Variants in PHF21B observed in about 807,000 individuals in gnomAD.
PHF21B encodes PHD finger protein 4.
PHF21B carries 22 observed loss-of-function variants against 62.2 expected under a neutral mutation model. That is an observed-to-expected ratio of 0.35 (90% CI 0.25 to 0.51). PHF21B has a LOEUF of 0.51. Ranked by LOEUF, PHF21B falls within the 20% of genes least tolerant of loss-of-function variation. The pLI is 0.97. For missense variants in PHF21B, 701 were observed against 707.9 expected (o/e 0.99, Z 0.11); for synonymous variants, 341 against 314.7 (o/e 1.08, Z -0.88).
intron 2 of PHF21B, among the ~76,000 whole-genome samples, chr22:44,992,200 C>T (rs1273232277): frequency 6.6e-6 from 1 of 152,234 alleles, no homozygotes; most frequent in African/African-American, 2.4e-5. Context: ...CAGAAAGCAC[C>T]ATTCATGCCC....
chr22:44,959,632 T>C (rs1601646104), intron 2 of PHF21B, among the ~76,000 whole-genome samples: 1 of 152,138 alleles, frequency 6.6e-6, no homozygotes, highest in South Asian at 2.1e-4. Flanking sequence ...TGCACCCAGG[T>C]GGTCCCGGTG....
At chr22:44,887,880 T>A in intron 10 of PHF21B, 83 bp downstream of exon 10, 1 of 1,306,154 alleles carries the variant, frequency 7.7e-7, no homozygotes, top group Non-Finnish European at 9.8e-7. Context: ...GCCCCTTTTT[T>A]CACCCCTCCT....
chr22:44,900,768 C>T (rs1043238178), intron 5 of PHF21B, among the ~76,000 whole-genome samples: 1 of 149,010 alleles, frequency 6.7e-6, no homozygotes, highest in Non-Finnish European at 1.5e-5. Context: ...TAACTGCTTT[C>T]CCTCTAAAGT....
chr22:44,985,930 C>T (rs2072938281), intron 2 of PHF21B, among the ~76,000 whole-genome samples: 1 of 151,320 alleles, frequency 6.6e-6, no homozygotes, highest in Non-Finnish European at 1.5e-5. Context: ...ATCAGCACCA[C>T]CACCACTACC....
chr22:45,007,082 A>C (rs575508874), intron 2 of PHF21B, among the ~76,000 whole-genome samples: 15 of 150,194 alleles, frequency 1.0e-4, no homozygotes, highest in South Asian at 8.5e-4. Context: ...CCACTCCCGG[A>C]CGGGGGCGCG....
intron 9 of PHF21B, among the ~76,000 whole-genome samples, chr22:44,888,554 C>G (rs1005040306): frequency 6.6e-6 from 1 of 152,170 alleles, no homozygotes; most frequent in African/African-American, 2.4e-5. Flanking sequence ...ACTCCCTCCC[C>G]GCCCCCACTG....
At chr22:44,973,780 G>T (rs1430988424) in intron 2 of PHF21B, among the ~76,000 whole-genome samples, 1 of 152,014 alleles carries the variant, frequency 6.6e-6, no homozygotes, top group African/African-American at 2.4e-5. Flanking sequence ...CCATGGGAGA[G>T]GAAAGTGTGG....
chr22:44,951,399 G>A lies in PHF21B; in HGVS notation c.121-30909C>T, dbSNP rs533808499. Among the ~76,000 whole-genome samples, 57 of 152,272 alleles carry A rather than the reference G, an allele frequency of 3.7e-4. 2 individuals carry two copies. In the South Asian group the frequency reaches 4.6e-3, roughly 12 times the overall value. ...CGGGGTAATGCGAGCAATGGGGAGC[G>A]GCTGTAAATACAGATGAAGCTTTGC... On this transcript the variant is annotated intron_variant, in intron 2 of 12. Transcript: ENST00000313237.
intron 2 of PHF21B, among the ~76,000 whole-genome samples, chr22:44,966,523 TC>T (rs2072529272): frequency 6.6e-6 from 1 of 151,920 alleles, no homozygotes; most frequent in South Asian, 2.1e-4. Flanking sequence ...CAAGCCCCTG[TC>T]CCCAGGGAGT....
chr22:44,898,211 G>A (rs965391879), intron 5 of PHF21B, among the ~76,000 whole-genome samples: 2 of 152,104 alleles, frequency 1.3e-5, no homozygotes, highest in Non-Finnish European at 2.9e-5. Context: ...TTGGTGACCT[G>A]GACAGCTTGA....
chr22:44,899,604 CTCCTTCTCCTCTTTTCTTCCTTCTCCT>C (rs1225890676), intron 5 of PHF21B, among the ~76,000 whole-genome samples: 1 of 151,732 alleles, frequency 6.6e-6, no homozygotes, highest in Non-Finnish European at 1.5e-5. Context: ...CTTTTTTCTT[CTCCTTCTCCTCTTTTCTTCCTTCTCCT>C]TCCTTCTTCT....
At chr22:44,935,430 C>A (rs1034742603) in intron 2 of PHF21B, among the ~76,000 whole-genome samples, 1 of 151,998 alleles carries the variant, frequency 6.6e-6, no homozygotes, top group African/African-American at 2.4e-5. Flanking sequence ...CTGGCTAACA[C>A]GGTGAAACCC....
At chr22:44,903,608 C>T (rs558282674) in intron 5 of PHF21B, among the ~76,000 whole-genome samples, 11 of 152,302 alleles carry the variant, frequency 7.2e-5, no homozygotes, top group South Asian at 2.1e-4. Flanking sequence ...TTCTGATAGA[C>T]GTGTGTTCAA....
At chr22:44,943,675 A>G (rs531072566) in intron 2 of PHF21B, among the ~76,000 whole-genome samples, 1 of 152,120 alleles carries the variant, frequency 6.6e-6, no homozygotes, top group Non-Finnish European at 1.5e-5. Context: ...TTCGACGGAC[A>G]GGTTTGGGGT....
At chr22:45,008,894 G>T (rs2073375596) in intron 1 of PHF21B, 7 of 1,170,450 alleles carry the variant, frequency 6.0e-6, no homozygotes, top group Admixed American at 4.6e-5. Context: ...GCCGGGGTGC[G>T]TGTGCGAGTG....
intron 12 of PHF21B, 26 bp from the exon 13 acceptor site, chr22:44,883,330 G>T (rs752235362): frequency 6.2e-7 from 1 of 1,607,706 alleles, no homozygotes; most frequent in South Asian, 1.1e-5. Context: ...TCAGGGGAAA[G>T]GGTCTCAGTA....
chr22:44,923,446 AG>A (rs1356778132), intron 2 of PHF21B, among the ~76,000 whole-genome samples: 1 of 152,202 alleles, frequency 6.6e-6, no homozygotes, highest in African/African-American at 2.4e-5. Context: ...TTGGGATGTT[AG>A]GTCAGGCAAA....
chr22:44,894,818 C>T (rs187126116), intron 6 of PHF21B, among the ~76,000 whole-genome samples: 1 of 152,288 alleles, frequency 6.6e-6, no homozygotes, highest in African/African-American at 2.4e-5. Context: ...TTCTCGGAGC[C>T]TGCATGGCAG....
chr22:45,002,446 C>A (rs1441320758), intron 2 of PHF21B, among the ~76,000 whole-genome samples: 1 of 152,194 alleles, frequency 6.6e-6, no homozygotes, highest in Non-Finnish European at 1.5e-5. Flanking sequence ...GCTCTAAGAA[C>A]CTCTGCTGAA....
Sources: gnomAD v4.1 joint callset for allele counts (sites outside exome capture counted in the v4.1 genomes callset) on GRCh38, gnomAD v4.1.1 for gene constraint, MANE v1.5 for transcripts, NCBI Gene and HGNC (gene_info 2026-07-23, HGNC 2026-07-21) for gene names.